The following NNT variants were observed in gnomAD, a reference collection of about 807,000 sequenced individuals.
The protein encoded by NNT is NAD(P) transhydrogenase, mitochondrial.
In NNT, 50 loss-of-function variants were observed where a neutral mutation model predicts 104.8. The observed-to-expected ratio is 0.48, with a 90% CI of 0.38 to 0.60. The LOEUF (loss-of-function observed/expected upper bound fraction) is 0.60, where lower values mean the gene tolerates loss of function less well. NNT is among the 20% of genes least tolerant of loss of function. The pLI is 0.00. For synonymous variants in NNT, 461 were observed against 490.4 expected, an observed-to-expected ratio of 0.94 and a Z score of 0.79; for missense variants, 1,131 against 1,330.7, an observed-to-expected ratio of 0.85 and a Z score of 2.33.
At chr5:43,690,569 T>C (rs927218508) in intron 19 of NNT, among the ~76,000 whole-genome samples, 2 of 152,188 alleles carry the variant, frequency 1.3e-5, no homozygotes, top group African/African-American at 4.8e-5. Context: ...GAGAGGCAGT[T>C]AGTACTGTAG....
chr5:43,684,564 T>G (rs899627664), intron 19 of NNT, among the ~76,000 whole-genome samples: 1 of 152,114 alleles, frequency 6.6e-6, no homozygotes, highest in Non-Finnish European at 1.5e-5. Flanking sequence ...AATTTTTTTT[T>G]TTCACTTCCT....
Position 43,700,106 on chromosome 5 carries a change from G to C in NNT, c.2877-13G>C, listed in dbSNP as rs1030707620. 1.9e-6 allele frequency: 3 copies of C among 1,605,252 alleles called. No homozygotes were observed. The highest frequency in any genetic ancestry group is 2.6e-6 in the Non-Finnish European group (3 of 1,173,438). On this transcript the variant is annotated splice_polypyrimidine_tract_variant and intron_variant, in intron 19 of 21. Coordinates refer to ENST00000344920, the MANE Select transcript of NNT (RefSeq NM_182977.3). The stretch of plus-strand genomic sequence containing the variant: ...GTCAAGTAAGGCCAGCTCTTCATTT[G>C]TTTCATGTCTAGGTTTGGAATTCAC...
At chr5:43,673,372 C>T (rs919957660) in intron 17 of NNT, among the ~76,000 whole-genome samples, 2 of 152,198 alleles carry the variant, frequency 1.3e-5, no homozygotes, top group African/African-American at 2.4e-5. Flanking sequence ...TCTTCTGCGT[C>T]TCTCATGCTG....
At chr5:43,611,824 T>C (rs1460304049) in intron 2 of NNT, among the ~76,000 whole-genome samples, 1 of 152,232 alleles carries the variant, frequency 6.6e-6, no homozygotes, top group Non-Finnish European at 1.5e-5. Context: ...AAAAAATGTT[T>C]ATGCTGCATA....
At position 43,677,740 on chromosome 5, in the gene NNT, C is replaced by T. The variant is rs376429010; in HGVS notation, c.2810C>T (p.Ala937Val). The change falls in exon 19 of 22, where the codon GCA becomes GTA. Residue 937 changes from alanine (A) to valine (V), a missense_variant. Ala to Val is a moderately conservative substitution (Grantham distance 64, BLOSUM62 0). Transcript: ENST00000344920. The stretch of plus-strand genomic sequence containing the variant: ...TTCCTTGCAGGCTATGGTCTCTGTG[C>T]AGCCAAAGCTCAATACCCCATTGCT... ...IIITPGYGLCAAKAQYPIADL... is the reference protein window; with the variant it reads ...IIITPGYGLCVAKAQYPIADL... The T allele has an allele frequency of 1.1e-5, 18 of 1,613,232 alleles. No individual in the cohort carries two copies. Among genetic ancestry groups the T allele is most frequent in the Non-Finnish European group, 1.4e-5 (17 of 1,179,400 alleles).
Position 43,655,889 on chromosome 5 carries a change from T to G in NNT, c.2109T>G (p.Val703=). ...RIQISDLPQL[V]AAFHSLVGLA... The stretch of plus-strand genomic sequence containing the variant: ...AGATTTCTGATTTACCTCAATTAGT[T>G]GCTGCTTTTCACAGTTTAGTGGGTT... The change falls in exon 15 of 22, where the codon GTT becomes GTG. Residue 703 remains valine, a synonymous_variant. Transcript: ENST00000344920. 6.2e-7 allele frequency: 1 copy of G among 1,614,252 alleles called. No homozygotes were observed. The highest frequency in any genetic ancestry group is 8.5e-7 in the Non-Finnish European group (1 of 1,180,038).
intron 19 of NNT, among the ~76,000 whole-genome samples, chr5:43,681,042 A>AG (rs1207812771): frequency 1.3e-5 from 2 of 151,990 alleles, no homozygotes; most frequent in African/African-American, 4.8e-5. Context: ...AGGCAGACCA[A>AG]GAGGTCAGGA....
intron 3 of NNT, among the ~76,000 whole-genome samples, chr5:43,614,806 T>G (rs1749688904): frequency 6.6e-6 from 1 of 152,258 alleles, no homozygotes; most frequent in Non-Finnish European, 1.5e-5. Context: ...TAAAACATTT[T>G]AAAATACATT....
At chr5:43,675,375 A>G in intron 17 of NNT, 136 bp from the exon 18 acceptor site, 1 of 680,174 alleles carries the variant, frequency 1.5e-6, no homozygotes, top group Non-Finnish European at 2.2e-6. Flanking sequence ...ACCAGCTGAA[A>G]TTTATCTGAT....
intron 19 of NNT, among the ~76,000 whole-genome samples, chr5:43,678,414 A>G (rs1741532361): frequency 6.6e-6 from 1 of 152,180 alleles, no homozygotes; most frequent in Admixed American, 6.5e-5. Context: ...TACTATTTAG[A>G]TTTTGCTGTT....
chr5:43,617,927 G>A (rs1424458186), intron 4 of NNT, among the ~76,000 whole-genome samples: 1 of 152,122 alleles, frequency 6.6e-6, no homozygotes, highest in Non-Finnish European at 1.5e-5. Context: ...ATCAATTATT[G>A]TATCAAGTAT....
intron 21 of NNT, 126 bp from the exon 22 acceptor site, chr5:43,704,129 C>T (rs73753604): frequency 0.012 from 8,109 of 674,900 alleles, 242 homozygotes; most frequent in African/African-American, 0.092. Flanking sequence ...TTTTAAAGTC[C>T]CTGCACTAAA....
chr5:43,693,310 T>A (rs1742385414), intron 19 of NNT, among the ~76,000 whole-genome samples: 1 of 152,252 alleles, frequency 6.6e-6, no homozygotes, highest in African/African-American at 2.4e-5. Context: ...TTTTTAATTT[T>A]CATGCTTAAA....
chr5:43,671,853 C>T (rs986545528), intron 17 of NNT, among the ~76,000 whole-genome samples: 9 of 152,174 alleles, frequency 5.9e-5, no homozygotes, highest in Non-Finnish European at 1.3e-4. Context: ...TGGGGAAGTT[C>T]TCCCGGATAA....
At chr5:43,662,393 G>C (rs1299308361) in intron 17 of NNT, among the ~76,000 whole-genome samples, 1 of 151,694 alleles carries the variant, frequency 6.6e-6, no homozygotes, top group African/African-American at 2.4e-5. Context: ...TTATTTTTTT[G>C]ATATGTTTTC....
intron 12 of NNT, among the ~76,000 whole-genome samples, chr5:43,651,502 T>A (rs563822611): frequency 6.6e-6 from 1 of 151,888 alleles, no homozygotes; most frequent in Non-Finnish European, 1.5e-5. Flanking sequence ...AGCTTGAACC[T>A]GGGAGGCGGA....
chr5:43,680,968 C>G lies in NNT; in HGVS notation c.2876+3162C>G, dbSNP rs554444491. Among the ~76,000 whole-genome samples, 16 of 152,086 alleles carry G rather than the reference C, an allele frequency of 1.1e-4. No homozygotes were observed. In the South Asian group the frequency reaches 3.3e-3, roughly 32 times the overall value. ...TTCATTATAAGGCAGAGATAATGTT[C>G]CCATTGAGTAATTAGGGAGGGGTAG... On this transcript the variant is annotated intron_variant, in intron 19 of 21. Transcript: ENST00000344920.
At chr5:43,602,817 C>G (rs1456249163), upstream of NNT, 1 of 152,308 alleles carries the variant, frequency 6.6e-6, no homozygotes, top group East Asian at 1.9e-4. Flanking sequence ...GAGGACATCA[C>G]GCTTTGTAAC....
chr5:43,620,592 T>A (rs1196893510), intron 5 of NNT, among the ~76,000 whole-genome samples: 1 of 152,082 alleles, frequency 6.6e-6, no homozygotes, highest in Non-Finnish European at 1.5e-5. Context: ...TGGAAAAAAA[T>A]TAAAACAAAA....
Sources: allele counts gnomAD v4.1 joint callset (sites outside exome capture counted in the v4.1 genomes callset), GRCh38; gene constraint gnomAD v4.1.1; transcripts MANE v1.5; gene names NCBI Gene and HGNC (gene_info 2026-07-23, HGNC 2026-07-21).